The following SORBS2 variants were observed in gnomAD, a reference collection of about 807,000 sequenced individuals.
SORBS2 encodes the protein sorbin and SH3 domain-containing protein 2.
Under a neutral mutation model 97.7 loss-of-function variants are expected in SORBS2, and 46 were observed. That is an observed-to-expected ratio of 0.47 (90% CI 0.37 to 0.60). The LOEUF is 0.60. SORBS2 is among the 20% of genes least tolerant of loss of function. SORBS2 has a pLI of 0.00. For synonymous variants in SORBS2, 476 were observed against 473.4 expected, an observed-to-expected ratio of 1.01 and a Z score of -0.07; for missense variants, 1,316 against 1,282.3, an observed-to-expected ratio of 1.03 and a Z score of -0.40.
intron 1 of SORBS2, among the ~76,000 whole-genome samples, chr4:185,910,189 A>C (rs2099254165): frequency 6.6e-6 from 1 of 152,120 alleles, no homozygotes; most frequent in African/African-American, 2.4e-5. Flanking sequence ...AATAAAGGAC[A>C]CTACAAGTAA....
chr4:185,622,999 C>T (rs150703988), exon 7 of SORBS2: 19,609 of 1,614,078 alleles, frequency 0.012, 147 homozygotes, highest in Non-Finnish European at 0.014. Flanking sequence ...GGGGCATTCT[C>T]CCGCAGTCAT....
intron 12 of SORBS2, among the ~76,000 whole-genome samples, chr4:185,602,377 T>C (rs1227571690): frequency 6.6e-6 from 1 of 152,228 alleles, no homozygotes; most frequent in Non-Finnish European, 1.5e-5. Flanking sequence ...CTGGGGGAAA[T>C]ATTGGATTCA....
chr4:185,896,947 G>A (rs142471645), intron 1 of SORBS2, among the ~76,000 whole-genome samples: 26 of 151,202 alleles, frequency 1.7e-4, no homozygotes, highest in Admixed American at 5.3e-4. Context: ...AAGCACGTCA[G>A]TGATTGGTTG....
intron 2 of SORBS2, among the ~76,000 whole-genome samples, chr4:185,688,113 T>C (rs553709381): frequency 6.6e-6 from 1 of 152,338 alleles, no homozygotes; most frequent in African/African-American, 2.4e-5. Flanking sequence ...AGCTAAGATA[T>C]GCCTAAGAAA....
chr4:185,929,197 G>T (rs895005537), intron 1 of SORBS2, among the ~76,000 whole-genome samples: 5 of 152,072 alleles, frequency 3.3e-5, no homozygotes, highest in African/African-American at 1.2e-4. Context: ...TGGGTTCCTG[G>T]GCAGCACCTC....
intron 2 of SORBS2, chr4:185,773,690 C>G (rs549905949): frequency 6.6e-6 from 1 of 152,176 alleles, no homozygotes; most frequent in Non-Finnish European, 1.5e-5. Context: ...ACGCAGGGAC[C>G]GTTTGCCAGG....
chr4:185,838,345 G>C (rs12511080), intron 1 of SORBS2, among the ~76,000 whole-genome samples: 5,183 of 152,312 alleles, frequency 0.034, 144 homozygotes, highest in East Asian at 0.13. Flanking sequence ...AGCTCCCCTG[G>C]GGGCTTGGGC....
chr4:185,752,970 A>C (rs899769229), intron 2 of SORBS2, among the ~76,000 whole-genome samples: 12 of 152,252 alleles, frequency 7.9e-5, no homozygotes, highest in Non-Finnish European at 1.6e-4. Flanking sequence ...CACTTAGAGT[A>C]CTGGGGAAAT....
upstream of SORBS2, chr4:185,657,680 A>G (rs1456972247): frequency 4.1e-6 from 5 of 1,226,192 alleles, no homozygotes; most frequent in Non-Finnish European, 5.8e-6. Flanking sequence ...ATTTATGCCA[A>G]CTGTAACACA....
chr4:185,954,555 T>C (rs2099278708), intron 1 of SORBS2, among the ~76,000 whole-genome samples: 1 of 152,180 alleles, frequency 6.6e-6, no homozygotes, highest in Admixed American at 6.5e-5. Context: ...AGAGGCGAAG[T>C]GTATTTTCAC....
chr4:185,916,350 A>G (rs940007728), intron 1 of SORBS2, among the ~76,000 whole-genome samples: 2 of 152,216 alleles, frequency 1.3e-5, no homozygotes, highest in Non-Finnish European at 2.9e-5. Flanking sequence ...ACCAGAAGTT[A>G]GAGGTGGGAG....
intron 1 of SORBS2, among the ~76,000 whole-genome samples, chr4:185,850,604 G>T (rs1286963914): frequency 6.6e-6 from 1 of 152,130 alleles, no homozygotes; most frequent in Non-Finnish European, 1.5e-5. Flanking sequence ...AAGTAAGCCT[G>T]GTCAACTGCC....
chr4:185,696,633 G>C (rs1055402020), intron 2 of SORBS2, among the ~76,000 whole-genome samples: 5 of 151,934 alleles, frequency 3.3e-5, no homozygotes, highest in African/African-American at 1.2e-4. Flanking sequence ...GTAGAGACAG[G>C]GTTTCACCAT....
chr4:185,588,593 C>CCTCCT (rs1554048144), intron 14 of SORBS2, among the ~76,000 whole-genome samples: 1 of 65,228 alleles, frequency 1.5e-5, no homozygotes, highest in Admixed American at 1.6e-4. Flanking sequence ...CGTTTCTCCT[C>CCTCCT]CCTCCTCCTC....
chr4:185,726,306 T>C (rs969357635), intron 2 of SORBS2, among the ~76,000 whole-genome samples: 2 of 152,214 alleles, frequency 1.3e-5, no homozygotes, highest in Non-Finnish European at 2.9e-5. Flanking sequence ...CACTTCATCT[T>C]GTCTTACTTT....
At chr4:185,814,475 A>G (rs1278919129) in intron 1 of SORBS2, among the ~76,000 whole-genome samples, 1 of 152,190 alleles carries the variant, frequency 6.6e-6, no homozygotes, top group Admixed American at 6.5e-5. Flanking sequence ...TGGGAGGTCG[A>G]GGCTGCAGTG....
chr4:185,730,693 C>T (rs6856059), intron 2 of SORBS2, among the ~76,000 whole-genome samples: 105,533 of 152,170 alleles, frequency 0.69, 36,927 homozygotes, highest in East Asian at 0.85. Flanking sequence ...TAAGTTTGCA[C>T]TGGGCTATCC....
intron 1 of SORBS2, among the ~76,000 whole-genome samples, chr4:185,835,342 T>C (rs1264532565): frequency 6.6e-6 from 1 of 152,232 alleles, no homozygotes; most frequent in Non-Finnish European, 1.5e-5. Context: ...AATTTAAAAT[T>C]TAAAATGTTG....
At chr4:185,597,607 C>G (rs1279984806) in intron 12 of SORBS2, among the ~76,000 whole-genome samples, 1 of 152,168 alleles carries the variant, frequency 6.6e-6, no homozygotes, top group Non-Finnish European at 1.5e-5. Context: ...CTTGGCCTAC[C>G]TTGGCTAAAA....
Sources: gnomAD v4.1 joint callset for allele counts (sites outside exome capture counted in the v4.1 genomes callset) on GRCh38, gnomAD v4.1.1 for gene constraint, MANE v1.5 for transcripts, NCBI Gene and HGNC (gene_info 2026-07-23, HGNC 2026-07-21) for gene names.